NTN1: variants seen among roughly 807,000 people sequenced by gnomAD.
NTN1 encodes netrin-1.
NTN1 carries 11 observed loss-of-function variants against 54.2 expected under a neutral mutation model. The observed-to-expected ratio is 0.20, with a 90% CI of 0.13 to 0.34. NTN1 has a LOEUF of 0.34. NTN1 is among the 10% of genes least tolerant of loss of function. The probability of loss-of-function intolerance (pLI) is 1.00; values close to 1 mark genes in which losing one functional copy is unlikely to be tolerated. For synonymous variants in NTN1, 371 were observed against 382.0 expected, an observed-to-expected ratio of 0.97 and a Z score of 0.33; for missense variants, 740 against 893.1, an observed-to-expected ratio of 0.83 and a Z score of 2.18.
At chr17:9,052,151 T>C (rs1042580928) in intron 2 of NTN1, among the ~76,000 whole-genome samples, 1 of 152,084 alleles carries the variant, frequency 6.6e-6, no homozygotes, top group Non-Finnish European at 1.5e-5. Context: ...TTTGTATTTT[T>C]AGTAGAGATG....
the NTN1 span, among the ~76,000 whole-genome samples, chr17:9,005,779 G>A: frequency 1.3e-5 from 2 of 152,200 alleles, no homozygotes; most frequent in African/African-American, 4.8e-5. Flanking sequence ...TGAGGGAGCG[G>A]CAGGGGGTGA....
At chr17:9,064,287 C>T (rs1292730140) in intron 2 of NTN1, among the ~76,000 whole-genome samples, 5 of 152,330 alleles carry the variant, frequency 3.3e-5, no homozygotes, top group Middle Eastern at 3.4e-3. Flanking sequence ...TCCAGGAGCT[C>T]GCCCCAGGGT....
chr17:9,124,395 C>T (rs551189072), intron 2 of NTN1, among the ~76,000 whole-genome samples: 2 of 152,338 alleles, frequency 1.3e-5, no homozygotes, highest in East Asian at 1.9e-4. Flanking sequence ...GGCTTCTCTC[C>T]GGATTCCACT....
chr17:9,149,480 C>A (rs2092321753), intron 2 of NTN1, among the ~76,000 whole-genome samples: 1 of 152,294 alleles, frequency 6.6e-6, no homozygotes, highest in Middle Eastern at 3.4e-3. Context: ...GACCATGTCA[C>A]CCTCACCATG....
rs144491144 is a variant in NTN1 at position 9,102,075 on chromosome 17, C to T, written c.1019-60738C>T. Reference sequence around the variant, plus strand: ...TCATCAGGAAAATGCAAATTAGAGCCACAAGGCACTATCAGAGTGCCTAAA... The same window carrying T: ...TCATCAGGAAAATGCAAATTAGAGCTACAAGGCACTATCAGAGTGCCTAAA... On this transcript the variant is annotated intron_variant, in intron 2 of 6. Coordinates refer to ENST00000173229, the MANE Select transcript of NTN1 (RefSeq NM_004822.3). 2.5e-3 allele frequency among the ~76,000 whole-genome samples: 376 copies of T among 152,300 alleles called. 1 individual carries two copies. Among genetic ancestry groups the T allele is most frequent in the African/African-American group, 8.5e-3 (354 of 41,566 alleles).
At chr17:9,199,114 T>C (rs1258108775) in intron 5 of NTN1, among the ~76,000 whole-genome samples, 1 of 152,206 alleles carries the variant, frequency 6.6e-6, no homozygotes, top group Non-Finnish European at 1.5e-5. Flanking sequence ...TCAGATAGTA[T>C]AGTCCAGCTA....
At chr17:9,161,871 G>C (rs2315287) in intron 2 of NTN1, among the ~76,000 whole-genome samples, 22,477 of 151,298 alleles carry the variant, frequency 0.15, 1,790 homozygotes, top group Non-Finnish European at 0.17. Flanking sequence ...GGAACCTGAG[G>C]GCAGGATGGT....
At chr17:9,126,582 G>A (rs1190822006) in intron 2 of NTN1, among the ~76,000 whole-genome samples, 2 of 152,214 alleles carry the variant, frequency 1.3e-5, no homozygotes, top group African/African-American at 4.8e-5. Flanking sequence ...GAGTTTGAAT[G>A]CTGCATTTGG....
rs1302311923 is a variant in NTN1, at chr17:9,022,711, AC to A, written c.341del (p.Pro114ArgfsTer4). On this transcript the variant is annotated frameshift_variant, in exon 2 of 7. Transcript: ENST00000173229. LOFTEE classifies it high-confidence loss of function. ...HPPAFLTDLNNPHNLTCWQSE... is the reference protein window; with the variant it reads ...HPPAFLTDLNXPHNLTCWQSE... ...CCCGCCTTCCTCACCGACCTCAACAACCCGCACAACCTGACGTGCTGGCAGT... is the reference window on the plus strand; with the variant it reads ...CCCGCCTTCCTCACCGACCTCAACAACCGCACAACCTGACGTGCTGGCAGT... The A allele has an allele frequency of 6.2e-7, 1 of 1,601,666 alleles. No individual in the cohort carries two copies. Among genetic ancestry groups the A allele is most frequent in the Non-Finnish European group, 8.5e-7 (1 of 1,175,316 alleles).
intron 5 of NTN1, among the ~76,000 whole-genome samples, chr17:9,215,296 CAT>C (rs1310488390): frequency 7.3e-5 from 11 of 151,176 alleles, no homozygotes; most frequent in African/African-American, 2.2e-4. Flanking sequence ...CACATACACA[CAT>C]GGGGACAGAG....
chr17:9,084,461 C>T (rs1487437254), intron 2 of NTN1, among the ~76,000 whole-genome samples: 5 of 152,058 alleles, frequency 3.3e-5, no homozygotes, highest in South Asian at 2.1e-4. Flanking sequence ...TTTCACAGGA[C>T]GCTGTCACCG....
intron 6 of NTN1, among the ~76,000 whole-genome samples, chr17:9,229,068 TTGTGTTTGTGACTGTGTG>T (rs1905709255): frequency 8.7e-6 from 1 of 115,022 alleles, no homozygotes; most frequent in Non-Finnish European, 1.8e-5. Context: ...GCGTGTGTGA[TTGTGTTTGTGACTGTGTG>T]TGTGACTGAG....
Position 9,022,230 on chromosome 17 carries a change from C to T in NTN1, c.-63-81C>T, listed in dbSNP as rs1043709632. ...GGGTGCCCAGGAAGCCGGGCGTTCTCCCGCATCTCCGCTCGCCACCCCGCC... is the reference window on the plus strand; with the variant it reads ...GGGTGCCCAGGAAGCCGGGCGTTCTTCCGCATCTCCGCTCGCCACCCCGCC... On this transcript the variant is annotated intron_variant, in intron 1 of 6. Transcript: ENST00000173229. 4.2e-6 allele frequency: 4 copies of T among 941,780 alleles called. No individual in the cohort carries two copies. In the African/African-American group the frequency reaches 5.1e-5, roughly 12 times the overall value. The allele number at this position is 941,780 out of a possible 1,614,324, so 58.3% of individuals were successfully genotyped here.
At position 9,166,264 on chromosome 17, in the gene NTN1, C is replaced by T. The variant is rs147261480; in HGVS notation, c.1207+3263C>T. Among the ~76,000 whole-genome samples, 16 of 142,234 alleles carry T rather than the reference C, an allele frequency of 1.1e-4. No individual in the cohort carries two copies. In the South Asian group the frequency reaches 1.4e-3, roughly 12 times the overall value. 93.3% of individuals were successfully genotyped at this position (142,234 alleles called of 152,430 possible). ...GATGGTTCAAGGAAATGGTTCCTTG[C>T]GAGGTTTGATATTTGACAGTTTGCT... On this transcript the variant is annotated intron_variant, in intron 3 of 6. Transcript: ENST00000173229.
chr17:9,191,866 A>T (rs954125444), intron 5 of NTN1, among the ~76,000 whole-genome samples: 672 of 4,892 alleles, frequency 0.14, 11 homozygotes, highest in African/African-American at 0.27. Flanking sequence ...TATCGCTACT[A>T]AAAAAAAAAA....
At chr17:9,010,800 A>T in the NTN1 span, among the ~76,000 whole-genome samples, 5 of 152,190 alleles carry the variant, frequency 3.3e-5, no homozygotes, top group Non-Finnish European at 7.3e-5. Flanking sequence ...GTTTTGTGGA[A>T]GACAGTTTTT....
At chr17:9,049,361 A>G (rs1182116634) in intron 2 of NTN1, among the ~76,000 whole-genome samples, 1 of 152,192 alleles carries the variant, frequency 6.6e-6, no homozygotes, top group Non-Finnish European at 1.5e-5. Context: ...GAACCAACTG[A>G]TCAGAATTAA....
At chr17:9,016,952 CTT>C (rs1176961773), upstream of NTN1, among the ~76,000 whole-genome samples, 1 of 152,196 alleles carries the variant, frequency 6.6e-6, no homozygotes, top group Non-Finnish European at 1.5e-5. Context: ...GCATTATCCT[CTT>C]CTCTCTAATG....
chr17:9,141,513 G>A (rs2092297778), intron 2 of NTN1, among the ~76,000 whole-genome samples: 1 of 152,184 alleles, frequency 6.6e-6, no homozygotes, highest in South Asian at 2.1e-4. Flanking sequence ...GTCCTGGTGG[G>A]ATAACAGGGC....
Sources: allele counts gnomAD v4.1 joint callset (sites outside exome capture counted in the v4.1 genomes callset), GRCh38; gene constraint gnomAD v4.1.1; transcripts MANE v1.5; gene names NCBI Gene and HGNC (gene_info 2026-07-23, HGNC 2026-07-21).